SUOX: variants seen among roughly 807,000 people sequenced by gnomAD.
SUOX encodes sulfite oxidase, also known as sulfite oxidase, mitochondrial.
A neutral mutation model predicts 41.9 loss-of-function variants in SUOX; 39 were observed. That is an observed-to-expected ratio of 0.93 (90% CI 0.72 to 1.21). The LOEUF is 1.21. Ranked by LOEUF, SUOX falls within the 50% of genes most tolerant of loss-of-function variation. The pLI is 0.00. For missense variants in SUOX, 633 were observed against 689.5 expected (o/e 0.92, Z 0.92); for synonymous variants, 220 against 268.4 (o/e 0.82, Z 1.76).
In SUOX at chr12:56,003,738, C is replaced by G; in HGVS notation, c.349C>G (p.Leu117Val). 7.4e-6 allele frequency: 12 copies of G among 1,613,064 alleles called. No homozygotes were observed. The highest frequency in any genetic ancestry group is 1.0e-5 in the Non-Finnish European group (12 of 1,179,332). Residue 117 changes from leucine (L) to valine (V), a missense_variant, in exon 5 of 5, where the codon CTA (leucine) becomes GTA (valine). Leu to Val is a conservative substitution (Grantham distance 32, BLOSUM62 1). Coordinates refer to ENST00000266971, the MANE Select transcript of SUOX (RefSeq NM_001032386.2). ...EVFDVTEFVD[L>V]HPGGPSKLML... The stretch of plus-strand genomic sequence containing the variant: ...CTTTGATGTCACAGAATTTGTGGAC[C>G]TACATCCAGGGGGGCCTTCAAAGCT...
rs765784694 is a variant in SUOX at position 56,004,090 on chromosome 12, T to C, written c.701T>C (p.Val234Ala). 1.2e-6 allele frequency: 2 copies of C among 1,614,140 alleles called. No individual in the cohort carries two copies. The highest frequency in any genetic ancestry group is 1.7e-6 in the Non-Finnish European group (2 of 1,180,022). Residue 234 changes from valine (V) to alanine (A), a missense_variant, in exon 5 of 5, where the codon GTA becomes GCA. Transcript: ENST00000266971. The surrounding 1 kb of genome is among the most constrained non-coding windows in gnomAD (Gnocchi z 4.5). The stretch of plus-strand genomic sequence containing the variant: ...GATCCAGACACCTATCGCTTACACG[T>C]AGTAGGAGCACCTGGGGGTCAGTCA... ...NLDPDTYRLH[V>A]VGAPGGQSLS...
Position 56,005,405 on chromosome 12 carries a change from G to C in SUOX, c.*378G>C, listed in dbSNP as rs549002333. The C allele has an allele frequency of 1.8e-6, 1 of 562,612 alleles. No homozygotes were observed. Among genetic ancestry groups the C allele is most frequent in the Non-Finnish European group, 3.1e-6 (1 of 318,358 alleles). The allele number at this position is 562,612 out of a possible 1,614,324, so 34.9% of individuals were successfully genotyped here. On this transcript the variant is annotated 3_prime_UTR_variant, in exon 5 of 5. Coordinates refer to ENST00000266971, the MANE Select transcript of SUOX (RefSeq NM_001032386.2). ...AATGTGTGTGGCATGTGTAAGAAAA[G>C]TGTATATACTATCTTATACTACCTC...
chr12:55,998,082 C>T (rs1890372884), intron 2 of SUOX, among the ~76,000 whole-genome samples: 1 of 152,060 alleles, frequency 6.6e-6, no homozygotes, highest in African/African-American at 2.4e-5. Flanking sequence ...GGGTCCAGTT[C>T]CCAGCTGGGT....
At position 56,002,642 on chromosome 12, in the gene SUOX, C is replaced by T. The variant is rs1890576135; in HGVS notation, c.150C>T (p.Ser50=). 6.2e-7 allele frequency: 1 copy of T among 1,613,982 alleles called. No individual in the cohort carries two copies. The highest frequency in any genetic ancestry group is 1.7e-5 in the Admixed American group (1 of 59,990). ...GCCTCACCTTCTCTGGTGATAACTC[C>T]AGCACCCAGGGATGGAGAGTCATGG... ...RPSLTFSGDN[S]STQGWRVMGT... Residue 50 remains serine, a synonymous_variant, in exon 4 of 5, where the codon TCC becomes TCT. Transcript: ENST00000266971.
chr12:56,004,880 G>C lies in SUOX; in HGVS notation c.1491G>C (p.Val497=), dbSNP rs1183020555. The C allele has an allele frequency of 1.2e-6, 2 of 1,614,178 alleles. No homozygotes were observed. The highest frequency in any genetic ancestry group is 3.3e-5 in the Admixed American group (2 of 60,020). ...GTCTGTGGCAGTTGAAAGCCCCTGT[G>C]CCAGCTGGACAAAAGGAACTGAACA... is the stretch of plus-strand genomic sequence containing the variant. ...AWRLWQLKAP[V]PAGQKELNIV... Residue 497 remains valine, a synonymous_variant, in exon 5 of 5, where the codon GTG becomes GTC. Coordinates refer to ENST00000266971, the MANE Select transcript of SUOX (RefSeq NM_001032386.2). This position sits in a 1 kb window ranked among gnomAD's most constrained non-coding sequence, Gnocchi z 4.5.
intron 2 of SUOX, among the ~76,000 whole-genome samples, chr12:56,000,289 G>A (rs1360142273): frequency 6.6e-6 from 1 of 152,228 alleles, no homozygotes; most frequent in African/African-American, 2.4e-5. Flanking sequence ...GCCCTGCCCC[G>A]CGGGGAGGCA....
chr12:56,000,899 G>GCC (rs1890495138), intron 2 of SUOX, among the ~76,000 whole-genome samples: 1 of 151,268 alleles, frequency 6.6e-6, no homozygotes, highest in Non-Finnish European at 1.5e-5. Flanking sequence ...CCATTCTCCT[G>GCC]TCTCCGGAGT....
Position 56,002,212 on chromosome 12 carries a change from G to A in SUOX, c.-10G>A. ...TGATCCCAGAATCTTCCTTCTACAG[G>A]TCTGCTACAATGCTGCTGCTGCACA... is the stretch of plus-strand genomic sequence containing the variant. On this transcript the variant is annotated splice_region_variant and 5_prime_UTR_variant, in exon 3 of 5. Coordinates refer to ENST00000266971, the MANE Select transcript of SUOX (RefSeq NM_001032386.2). 1 of 1,613,086 alleles carries A rather than the reference G, an allele frequency of 6.2e-7. No homozygotes were observed. The highest frequency in any genetic ancestry group is 8.5e-7 in the Non-Finnish European group (1 of 1,179,988).
At chr12:56,001,236 T>A (rs1257770305) in intron 2 of SUOX, 1 of 145,642 alleles carries the variant, frequency 6.9e-6, no homozygotes, top group Non-Finnish European at 1.5e-5. Flanking sequence ...GTGATTCTCC[T>A]GCCTCAGCCT....
intron 2 of SUOX, among the ~76,000 whole-genome samples, chr12:55,998,601 T>C (rs1890398177): frequency 1.3e-5 from 2 of 151,840 alleles, no homozygotes; most frequent in Non-Finnish European, 2.9e-5. Flanking sequence ...TCCCAGCACT[T>C]TGGGGGCTAA....
At position 56,003,800 on chromosome 12, in the gene SUOX, G is replaced by C; in HGVS notation, c.411G>C (p.Trp137Cys). ...LAAGGPLEPF[W>C]ALYAVHNQSH... ...CTGGGGGTCCCCTAGAGCCCTTCTG[G>C]GCCCTCTATGCTGTTCACAACCAGT... is the stretch of plus-strand genomic sequence containing the variant. The change falls in exon 5 of 5, where the codon TGG becomes TGC. Residue 137 changes from tryptophan (W) to cysteine (C), a missense_variant. Physicochemically the swap from Trp to Cys is radical, Grantham distance 215. Coordinates refer to ENST00000266971, the MANE Select transcript of SUOX (RefSeq NM_001032386.2). 6.2e-7 allele frequency: 1 copy of C among 1,613,916 alleles called. No homozygotes were observed. The highest frequency in any genetic ancestry group is 8.5e-7 in the Non-Finnish European group (1 of 1,179,998).
At chr12:56,000,624 G>C (rs1430242166) in intron 2 of SUOX, among the ~76,000 whole-genome samples, 1 of 152,226 alleles carries the variant, frequency 6.6e-6, no homozygotes, top group Non-Finnish European at 1.5e-5. Flanking sequence ...GGCTCCTCAA[G>C]TGCCGCCAAA....
rs1294494344 is a variant in SUOX at position 56,004,503 on chromosome 12, G to A, written c.1114G>A (p.Val372Met). 6.2e-7 allele frequency: 1 copy of A among 1,614,014 alleles called. No individual in the cohort carries two copies. Among genetic ancestry groups the A allele is most frequent in the Admixed American group, 1.7e-5 (1 of 60,024 alleles). ...CCCTGTGCGTGTGGTGGTTCCTGGA[G>A]TGGTGGGTGCCCGCCATGTCAAATG... ...GFPVRVVVPG[V>M]VGARHVKWLG... The change falls in exon 5 of 5, where the codon GTG becomes ATG. Residue 372 changes from valine (V) to methionine (M), a missense_variant. Coordinates refer to ENST00000266971, the MANE Select transcript of SUOX (RefSeq NM_001032386.2). This position sits in a 1 kb window ranked among gnomAD's most constrained non-coding sequence, Gnocchi z 4.5.
Position 56,004,552 on chromosome 12 carries a change from C to T in SUOX, c.1163C>T (p.Pro388Leu). The change falls in exon 5 of 5, where the codon CCA becomes CTA. Residue 388 changes from proline to leucine, a missense_variant. Coordinates refer to ENST00000266971, the MANE Select transcript of SUOX (RefSeq NM_001032386.2). The surrounding 1 kb of genome is among the most constrained non-coding windows in gnomAD (Gnocchi z 4.5). ...TGGCTGGGCAGAGTGAGTGTGCAGCCAGAGGAAAGTTACAGCCACTGGCAA... is the reference window on the plus strand; with the variant it reads ...TGGCTGGGCAGAGTGAGTGTGCAGCTAGAGGAAAGTTACAGCCACTGGCAA... ...VKWLGRVSVQ[P>L]EESYSHWQRR... 1 of 1,614,164 alleles carries T rather than the reference C, an allele frequency of 6.2e-7. No homozygotes were observed.
At chr12:55,998,382 C>CA (rs780569420) in intron 2 of SUOX, among the ~76,000 whole-genome samples, 1,809 of 55,602 alleles carry the variant, frequency 0.033, 22 homozygotes, top group African/African-American at 0.068. Flanking sequence ...CTCATCTCTA[C>CA]AAAAAAAAAA....
chr12:56,002,336 A>G (rs1284107544), intron 3 of SUOX, 65 bp downstream of exon 3: 12 of 1,573,602 alleles, frequency 7.6e-6, no homozygotes, highest in Non-Finnish European at 9.5e-6. Flanking sequence ...GTCTTTTACA[A>G]TGTCATACCT....
intron 4 of SUOX, chr12:56,003,017 AGT>A: frequency 3.4e-6 from 1 of 290,608 alleles, no homozygotes; most frequent in Non-Finnish European, 6.6e-6. Flanking sequence ...TGGGTGACAG[AGT>A]GAGACTCCAT....
At position 56,004,047 on chromosome 12, in the gene SUOX, C is replaced by T. The variant is rs778041851; in HGVS notation, c.658C>T (p.Leu220=). The change falls in exon 5 of 5, where the codon CTG becomes TTG. Residue 220 remains leucine (L), a synonymous_variant. Transcript: ENST00000266971. This position sits in a 1 kb window ranked among gnomAD's most constrained non-coding sequence, Gnocchi z 4.5. The stretch of plus-strand genomic sequence containing the variant: ...CCCTATCTTCTTCACCCGGAACCAT[C>T]TGCCTGTACCTAACCTGGATCCAGA... ...PNPIFFTRNH[L]PVPNLDPDTY... is the part of the protein sequence containing the mutation. 2.5e-6 allele frequency: 4 copies of T among 1,614,212 alleles called. No individual in the cohort carries two copies. The Admixed American group carries it at 6.7e-5, about 27-fold the overall frequency.
Position 56,003,802 on chromosome 12 carries a change from C to T in SUOX, c.413C>T (p.Ala138Val). The T allele has an allele frequency of 6.2e-7, 1 of 1,613,946 alleles. No individual in the cohort carries two copies. Among genetic ancestry groups the T allele is most frequent in the South Asian group, 1.1e-5 (1 of 91,070 alleles). ...GGGGGTCCCCTAGAGCCCTTCTGGG[C>T]CCTCTATGCTGTTCACAACCAGTCC... ...AAGGPLEPFWALYAVHNQSHV... is the reference protein window; with the variant it reads ...AAGGPLEPFWVLYAVHNQSHV... The change falls in exon 5 of 5, where the codon GCC becomes GTC. Residue 138 changes from alanine to valine, a missense_variant. Coordinates refer to ENST00000266971, the MANE Select transcript of SUOX (RefSeq NM_001032386.2).
Sources: allele counts gnomAD v4.1 joint callset (sites outside exome capture counted in the v4.1 genomes callset), GRCh38; gene constraint gnomAD v4.1.1; non-coding constraint Gnocchi (gnomAD v3.1); transcripts MANE v1.5; gene names NCBI Gene and HGNC (gene_info 2026-07-23, HGNC 2026-07-21).